Variants in CCDC122 observed in about 807,000 individuals in gnomAD.
CCDC122 encodes the protein coiled-coil domain containing 122.
In CCDC122, 38 loss-of-function variants were observed where a neutral mutation model predicts 37.0. That is an observed-to-expected ratio of 1.03 (90% CI 0.79 to 1.35). The LOEUF is 1.35. Ranked by LOEUF, CCDC122 falls within the 40% of genes most tolerant of loss-of-function variation. CCDC122 has a pLI of 0.00. For synonymous variants in CCDC122, 83 were observed against 95.6 expected (o/e 0.87, Z 0.77); for missense variants, 305 against 310.0 (o/e 0.98, Z 0.12).
intron 2 of CCDC122, among the ~76,000 whole-genome samples, chr13:43,873,046 A>G (rs1489870622): frequency 6.6e-6 from 1 of 152,130 alleles, no homozygotes; most frequent in Admixed American, 6.6e-5. Flanking sequence ...ATCATTTAAC[A>G]CATTTGATAA....
downstream of CCDC122, among the ~76,000 whole-genome samples, chr13:43,820,458 G>T (rs1239281314): frequency 6.6e-6 from 1 of 152,100 alleles, no homozygotes; most frequent in Non-Finnish European, 1.5e-5. Context: ...TTGCCGAAAG[G>T]ACATTAAAGG....
intron 3 of CCDC122, among the ~76,000 whole-genome samples, chr13:43,830,001 G>A (rs1037453949): frequency 4.6e-5 from 7 of 151,852 alleles, no homozygotes; most frequent in African/African-American, 1.7e-4. Context: ...TCAGCCTCCC[G>A]AGTAGCTGGG....
chr13:43,864,740 A>C (rs1954219923), intron 4 of CCDC122, among the ~76,000 whole-genome samples: 1 of 152,006 alleles, frequency 6.6e-6, no homozygotes, highest in African/African-American at 2.4e-5. Flanking sequence ...CAAACATCCA[A>C]ACCATAGGAC....
At chr13:43,841,869 C>A (rs1594820305) in intron 6 of CCDC122, among the ~76,000 whole-genome samples, 2 of 152,232 alleles carry the variant, frequency 1.3e-5, no homozygotes, top group South Asian at 4.2e-4. Flanking sequence ...CGCCATCACA[C>A]TGACTAATTT....
downstream of CCDC122, among the ~76,000 whole-genome samples, chr13:43,819,604 C>G (rs777060963): frequency 4.6e-5 from 7 of 152,092 alleles, no homozygotes; most frequent in Non-Finnish European, 8.8e-5. Context: ...ACAGCCTATA[C>G]TACGCTACTT....
chr13:43,853,951 A>G (rs1953825913), intron 6 of CCDC122: 1 of 152,212 alleles, frequency 6.6e-6, no homozygotes, highest in Non-Finnish European at 1.5e-5. Flanking sequence ...ACTAATGAGA[A>G]CAAAGATACC....
Position 43,837,049 on chromosome 13 carries a change from AT to A in CCDC122, c.*230del. The A allele has an allele frequency of 2.2e-6, 1 of 448,496 alleles. No homozygotes were observed. Among genetic ancestry groups the A allele is most frequent in the Non-Finnish European group, 3.9e-6 (1 of 253,468 alleles). The allele number at this position is 448,496 out of a possible 1,614,324, so 27.8% of individuals were successfully genotyped here. ...AAATAGTCACAGAGACTCTTGCATT[AT>A]TTTCCCGTAGACATTCCTATTGTCT... On this transcript the variant is annotated 3_prime_UTR_variant, in exon 7 of 7. Transcript: ENST00000444614.
In CCDC122 at chr13:43,861,817, C is replaced by T. The variant is rs77727531; in HGVS notation, c.157-1747G>A. ...ATATTCAGAAAAAAAGTTTAATTTA[C>T]ACACCAAACATATTCCTCCCCCAGA... is the stretch of plus-strand genomic sequence containing the variant. On this transcript the variant is annotated intron_variant, in intron 4 of 6. Transcript: ENST00000444614. Among the ~76,000 whole-genome samples the T allele has an allele frequency of 9.7e-3, 1,480 of 152,254 alleles. 7 individuals carry two copies. The highest frequency in any genetic ancestry group is 0.024 in the Middle Eastern group (7 of 294).
At chr13:43,862,857 T>C (rs548068685) in intron 4 of CCDC122, among the ~76,000 whole-genome samples, 17 of 152,244 alleles carry the variant, frequency 1.1e-4, no homozygotes, top group Admixed American at 7.8e-4. Flanking sequence ...CTATTAATTT[T>C]TCTTATTGGC....
chr13:43,851,455 C>T (rs1486136347), intron 6 of CCDC122, among the ~76,000 whole-genome samples: 2 of 152,308 alleles, frequency 1.3e-5, no homozygotes, highest in South Asian at 2.1e-4. Context: ...CAGCACCCTG[C>T]TCCTGAGCCA....
At chr13:43,873,998 C>T (rs148333731) in intron 2 of CCDC122, among the ~76,000 whole-genome samples, 156 of 152,274 alleles carry the variant, frequency 1.0e-3, no homozygotes, top group Middle Eastern at 3.4e-3. Flanking sequence ...ATTCTGATCA[C>T]GTCAACATCA....
intron 4 of CCDC122, among the ~76,000 whole-genome samples, chr13:43,865,426 GAA>G (rs931292330): frequency 2.6e-5 from 4 of 152,094 alleles, no homozygotes. Flanking sequence ...GTGGACGTCT[GAA>G]ACCATGGACA....
At chr13:43,864,619 G>C (rs1276398964) in intron 4 of CCDC122, among the ~76,000 whole-genome samples, 1 of 152,136 alleles carries the variant, frequency 6.6e-6, no homozygotes, top group Non-Finnish European at 1.5e-5. Context: ...TGCTCCCAAA[G>C]GAGGGCATTA....
rs545750550 is a variant in CCDC122, at chr13:43,861,453, G to C, written c.157-1383C>G. Among the ~76,000 whole-genome samples, 11 of 152,266 alleles carry C rather than the reference G, an allele frequency of 7.2e-5. No homozygotes were observed. In the South Asian group the frequency reaches 1.0e-3, roughly 14 times the overall value. ...TCACACTCCTATGTTCCCCAACTTA[G>C]TTAATGTTACCACCTTAGCTCTTCC... On this transcript the variant is annotated intron_variant, in intron 4 of 6. Transcript: ENST00000444614.
intron 1 of CCDC122, among the ~76,000 whole-genome samples, chr13:43,875,674 C>T (rs961679071): frequency 3.3e-5 from 5 of 152,120 alleles, no homozygotes; most frequent in African/African-American, 1.2e-4. Flanking sequence ...ACAATTGTCC[C>T]AAATGACCAG....
At chr13:43,861,526 C>G (rs1368975069) in intron 4 of CCDC122, among the ~76,000 whole-genome samples, 1 of 152,150 alleles carries the variant, frequency 6.6e-6, no homozygotes, top group African/African-American at 2.4e-5. Flanking sequence ...TGTAGATCTT[C>G]CCACCAAAAT....
chr13:43,832,165 C>T (rs937378363), downstream of CCDC122, among the ~76,000 whole-genome samples: 1 of 147,682 alleles, frequency 6.8e-6, no homozygotes, highest in East Asian at 2.0e-4. Flanking sequence ...CTTAGAAATA[C>T]ATTATAAATT....
chr13:43,875,528 T>A (rs626868), intron 1 of CCDC122, among the ~76,000 whole-genome samples: 1 of 152,168 alleles, frequency 6.6e-6, no homozygotes, highest in African/African-American at 2.4e-5. Flanking sequence ...AAAACAGAAC[T>A]CTGACCCACA....
Position 43,866,641 on chromosome 13 carries a change from T to C in CCDC122, c.156+2053A>G, listed in dbSNP as rs977259802. Among the ~76,000 whole-genome samples, 4 of 152,342 alleles carry C rather than the reference T, an allele frequency of 2.6e-5. No homozygotes were observed. The East Asian group carries it at 7.7e-4, about 29-fold the overall frequency. On this transcript the variant is annotated intron_variant, in intron 4 of 6. Transcript: ENST00000444614. ...TTTACAGTGTTCAGCATACTGGTCTTGTAAACCTTTTGTCAAATTTGCCCC... is the reference window on the plus strand; with the variant it reads ...TTTACAGTGTTCAGCATACTGGTCTCGTAAACCTTTTGTCAAATTTGCCCC...
Sources: gnomAD v4.1 joint callset for allele counts (sites outside exome capture counted in the v4.1 genomes callset) on GRCh38, gnomAD v4.1.1 for gene constraint, MANE v1.5 for transcripts, NCBI Gene and HGNC (gene_info 2026-07-23, HGNC 2026-07-21) for gene names.